The following PLPPR1 variants were observed in gnomAD, a reference collection of about 807,000 sequenced individuals.
The protein encoded by PLPPR1 is phospholipid phosphatase-related protein type 1.
PLPPR1 carries 10 observed loss-of-function variants against 33.1 expected under a neutral mutation model. The ratio of observed to expected loss-of-function variants is 0.30; its 90% confidence interval spans 0.19 to 0.51. The LOEUF is 0.51. Among genes scored for constraint, PLPPR1 ranks in the 20% least tolerant of loss-of-function variants. PLPPR1 has a pLI of 0.97. For synonymous variants in PLPPR1, 151 were observed against 151.0 expected (o/e 1.00, Z 0.00); for missense variants, 304 against 408.1 (o/e 0.74, Z 2.20).
intron 1 of PLPPR1, among the ~76,000 whole-genome samples, chr9:101,130,025 A>G (rs556995266): frequency 1.3e-5 from 2 of 152,318 alleles, no homozygotes; most frequent in African/African-American, 4.8e-5. Flanking sequence ...ATGAGAAAAC[A>G]GAGCATTAGA....
chr9:101,320,088 G>A (rs528822559), intron 7 of PLPPR1, among the ~76,000 whole-genome samples: 4 of 152,194 alleles, frequency 2.6e-5, no homozygotes, highest in Admixed American at 2.6e-4. Flanking sequence ...GTGCTAAACA[G>A]GGTTTCAAAA....
chr9:101,315,002 G>T (rs138502458), intron 6 of PLPPR1, among the ~76,000 whole-genome samples: 3 of 152,094 alleles, frequency 2.0e-5, no homozygotes, highest in African/African-American at 4.8e-5. Flanking sequence ...CACATGTTTC[G>T]GGGGTATGTG....
chr9:101,155,104 G>A (rs1366271187), intron 1 of PLPPR1, among the ~76,000 whole-genome samples: 4 of 124,480 alleles, frequency 3.2e-5, no homozygotes, highest in African/African-American at 1.1e-4. Context: ...AAAACTTAAA[G>A]TATAATAAAA....
At chr9:101,176,510 A>C (rs1260149362) in intron 1 of PLPPR1, among the ~76,000 whole-genome samples, 1 of 152,146 alleles carries the variant, frequency 6.6e-6, no homozygotes, top group Admixed American at 6.5e-5. Context: ...TAACAATGCC[A>C]CCTTCTTGCA....
At chr9:101,246,521 G>A (rs1267000345) in intron 2 of PLPPR1, among the ~76,000 whole-genome samples, 1 of 151,956 alleles carries the variant, frequency 6.6e-6, no homozygotes, top group Non-Finnish European at 1.5e-5. Flanking sequence ...ACAGATGAAG[G>A]AACTGAGTTA....
At chr9:101,181,956 C>T (rs1402465977) in intron 1 of PLPPR1, among the ~76,000 whole-genome samples, 4 of 148,168 alleles carry the variant, frequency 2.7e-5, no homozygotes, top group African/African-American at 1.0e-4. Context: ...CATACATAAA[C>T]CAAATTTTGT....
chr9:101,183,153 G>C (rs776775057), intron 1 of PLPPR1, among the ~76,000 whole-genome samples: 4 of 151,656 alleles, frequency 2.6e-5, no homozygotes, highest in Non-Finnish European at 5.9e-5. Flanking sequence ...TAATATCCAT[G>C]AGAAATGAAA....
chr9:101,242,254 T>C (rs1052539448), intron 2 of PLPPR1, among the ~76,000 whole-genome samples: 8 of 151,668 alleles, frequency 5.3e-5, no homozygotes, highest in East Asian at 2.0e-4. Flanking sequence ...TTTTTTTTTT[T>C]TCTCTGATAT....
chr9:101,321,181 G>A (rs570682003), intron 7 of PLPPR1, among the ~76,000 whole-genome samples: 32 of 152,288 alleles, frequency 2.1e-4, no homozygotes, highest in African/African-American at 7.2e-4. Flanking sequence ...TCTCTTCAGA[G>A]CACACATTCG....
intron 2 of PLPPR1, among the ~76,000 whole-genome samples, chr9:101,262,673 T>C (rs1050095980): frequency 6.6e-6 from 1 of 152,184 alleles, no homozygotes; most frequent in Non-Finnish European, 1.5e-5. Context: ...CAAAGGATTA[T>C]AAATCATTCT....
At chr9:101,089,288 T>TATAG (rs60312729) in intron 1 of PLPPR1, among the ~76,000 whole-genome samples, 21,467 of 150,166 alleles carry the variant, frequency 0.14, 1,489 homozygotes, top group East Asian at 0.18. Flanking sequence ...AAAGCTAGAA[T>TATAG]ATAGATAGAT....
chr9:101,095,100 T>A (rs566350689), intron 1 of PLPPR1, among the ~76,000 whole-genome samples: 16 of 152,326 alleles, frequency 1.1e-4, no homozygotes, highest in African/African-American at 3.6e-4. Context: ...TTCTCAGATC[T>A]TCAAATTGTC....
At chr9:101,112,727 T>C (rs767607249) in intron 1 of PLPPR1, among the ~76,000 whole-genome samples, 7 of 152,186 alleles carry the variant, frequency 4.6e-5, no homozygotes, top group Admixed American at 1.3e-4. Context: ...TTCCTCCAAA[T>C]TGATATAGGA....
At chr9:101,293,992 T>C (rs1448307475) in intron 4 of PLPPR1, among the ~76,000 whole-genome samples, 1 of 151,988 alleles carries the variant, frequency 6.6e-6, no homozygotes, top group African/African-American at 2.4e-5. Context: ...AAAAAACCCT[T>C]CAAAAAATTA....
chr9:101,305,689 C>T (rs966991329), intron 4 of PLPPR1, among the ~76,000 whole-genome samples: 2 of 152,004 alleles, frequency 1.3e-5, no homozygotes, highest in Non-Finnish European at 2.9e-5. Context: ...TGGAATGAGG[C>T]CTGTTATTGT....
intron 2 of PLPPR1, among the ~76,000 whole-genome samples, chr9:101,212,105 T>A (rs757275977): frequency 6.6e-6 from 1 of 152,098 alleles, no homozygotes; most frequent in Non-Finnish European, 1.5e-5. Context: ...GTTTCTGAGA[T>A]GGAGTCTCGC....
At chr9:101,070,063 G>A (rs1830464179) in intron 1 of PLPPR1, among the ~76,000 whole-genome samples, 1 of 152,078 alleles carries the variant, frequency 6.6e-6, no homozygotes. Flanking sequence ...GATAGTGTGT[G>A]TCAGATTTCT....
chr9:101,177,322 T>C (rs1340172291), intron 1 of PLPPR1, among the ~76,000 whole-genome samples: 2 of 152,222 alleles, frequency 1.3e-5, no homozygotes, highest in Non-Finnish European at 2.9e-5. Flanking sequence ...GCAGATATTT[T>C]ACCTCTTTAA....
At chr9:101,233,153 C>T (rs531045347) in intron 2 of PLPPR1, among the ~76,000 whole-genome samples, 5 of 152,104 alleles carry the variant, frequency 3.3e-5, no homozygotes, top group African/African-American at 1.2e-4. Flanking sequence ...TGAAATGTAA[C>T]TGCTACTCAA....
Sources: gnomAD v4.1 joint callset for allele counts (sites outside exome capture counted in the v4.1 genomes callset) on GRCh38, gnomAD v4.1.1 for gene constraint, MANE v1.5 for transcripts, NCBI Gene and HGNC (gene_info 2026-07-23, HGNC 2026-07-21) for gene names.